The following PDE4D variants were observed in gnomAD, a reference collection of about 807,000 sequenced individuals.
PDE4D encodes the protein 3',5'-cyclic-AMP phosphodiesterase 4D.
Under a neutral mutation model 87.4 loss-of-function variants are expected in PDE4D, and 24 were observed. The observed-to-expected ratio is 0.27, with a 90% confidence interval of 0.20 to 0.39. PDE4D has a LOEUF of 0.39. Ranked by LOEUF, PDE4D falls within the 10% of genes least tolerant of loss-of-function variation. PDE4D has a pLI of 1.00. For synonymous variants in PDE4D, 384 were observed against 383.2 expected (o/e 1.00, Z -0.02); for missense variants, 714 against 1,041.0 (o/e 0.69, Z 4.32).
intron 1 of PDE4D, among the ~76,000 whole-genome samples, chr5:60,493,324 G>T (rs895892746): frequency 1.8e-4 from 27 of 152,262 alleles, no homozygotes; most frequent in African/African-American, 6.3e-4. Flanking sequence ...GAAAAAAGAG[G>T]GTTACCGATC....
At chr5:60,013,943 A>G (rs915455506) in intron 2 of PDE4D, among the ~76,000 whole-genome samples, 4 of 151,960 alleles carry the variant, frequency 2.6e-5, no homozygotes, top group African/African-American at 7.3e-5. Context: ...AAATACAAAA[A>G]TTAGCTGGGC....
At chr5:60,230,609 G>A (rs527729797) in intron 1 of PDE4D, among the ~76,000 whole-genome samples, 4 of 152,212 alleles carry the variant, frequency 2.6e-5, no homozygotes, top group African/African-American at 7.2e-5. Flanking sequence ...TTTAGGAAAG[G>A]AGAAGCTGGG....
chr5:59,400,516 A>T (rs1424273241), intron 1 of PDE4D, among the ~76,000 whole-genome samples: 1 of 138,794 alleles, frequency 7.2e-6, no homozygotes, highest in East Asian at 2.2e-4. Context: ...TCTCACTCAT[A>T]GGTGGGAATT....
At chr5:59,260,316 G>A (rs890574763) in intron 1 of PDE4D, among the ~76,000 whole-genome samples, 1 of 151,764 alleles carries the variant, frequency 6.6e-6, no homozygotes, top group Admixed American at 6.6e-5. Flanking sequence ...AATTTACAGG[G>A]TATGTCACAC....
rs78167321 is a variant in PDE4D, at chr5:60,124,775, T to C, written c.42+60782A>G. On this transcript the variant is annotated intron_variant, in intron 2 of 16. Coordinates refer to the PDE4D transcript ENST00000502484. Reference sequence around the variant, plus strand: ...ATATTCAGTTCTTGCCCTCCCACCATTTCTTCTTGAATGTACTCCTATGTT... The same window carrying C: ...ATATTCAGTTCTTGCCCTCCCACCACTTCTTCTTGAATGTACTCCTATGTT... Among the ~76,000 whole-genome samples the C allele has an allele frequency of 5.8e-3, 880 of 152,248 alleles. 6 individuals are homozygous for C. Among genetic ancestry groups the C allele is most frequent in the African/African-American group, 0.02 (850 of 41,546 alleles).
chr5:59,144,897 G>GCC (rs1554080208), intron 5 of PDE4D, among the ~76,000 whole-genome samples: 1 of 135,710 alleles, frequency 7.4e-6, no homozygotes, highest in Non-Finnish European at 1.6e-5. Flanking sequence ...TAATGGGGGG[G>GCC]GGGGGGGGAA....
At chr5:60,431,807 C>T (rs913229812) in intron 1 of PDE4D, among the ~76,000 whole-genome samples, 32 of 152,244 alleles carry the variant, frequency 2.1e-4, no homozygotes, top group African/African-American at 7.5e-4. Context: ...GAACCAGACT[C>T]CATCTGCAAT....
chr5:59,466,947 T>C (rs376036164), intron 1 of PDE4D, among the ~76,000 whole-genome samples: 1 of 152,142 alleles, frequency 6.6e-6, no homozygotes. Flanking sequence ...CCTCAGAATA[T>C]GACTATATTT....
intron 5 of PDE4D, among the ~76,000 whole-genome samples, chr5:59,043,579 A>G (rs1760067553): frequency 6.6e-6 from 1 of 152,106 alleles, no homozygotes; most frequent in Admixed American, 6.5e-5. Context: ...ATTACACTTT[A>G]AGTTCTAGGG....
intron 1 of PDE4D, among the ~76,000 whole-genome samples, chr5:60,500,794 G>C (rs1399774939): frequency 6.6e-6 from 1 of 152,252 alleles, no homozygotes; most frequent in African/African-American, 2.4e-5. Flanking sequence ...GAGACTTAAA[G>C]ATAATATGTG....
At chr5:59,195,606 A>C (rs991122979) in intron 2 of PDE4D, among the ~76,000 whole-genome samples, 20 of 152,222 alleles carry the variant, frequency 1.3e-4, no homozygotes, top group African/African-American at 4.6e-4. Flanking sequence ...TTTGGGTTGG[A>C]ATTTCAGCTC....
At chr5:59,978,171 T>G (rs575889774) in intron 3 of PDE4D, among the ~76,000 whole-genome samples, 1 of 152,202 alleles carries the variant, frequency 6.6e-6, no homozygotes, top group Non-Finnish European at 1.5e-5. Context: ...TTTTAAGCCT[T>G]ATTATTTAAG....
chr5:59,732,679 T>A (rs1757540646), intron 1 of PDE4D, among the ~76,000 whole-genome samples: 1 of 152,132 alleles, frequency 6.6e-6, no homozygotes, highest in Admixed American at 6.6e-5. Context: ...CTTTCAGATT[T>A]AGGCAAGACA....
At chr5:59,435,523 A>G (rs1328791301) in intron 1 of PDE4D, among the ~76,000 whole-genome samples, 2 of 152,100 alleles carry the variant, frequency 1.3e-5, no homozygotes, top group African/African-American at 4.8e-5. Flanking sequence ...AATCTCTTCC[A>G]AAAAACATTC....
At chr5:60,428,701 C>T (rs1275374031) in intron 1 of PDE4D, among the ~76,000 whole-genome samples, 1 of 152,160 alleles carries the variant, frequency 6.6e-6, no homozygotes, top group Admixed American at 6.5e-5. Context: ...ATGTAGGTAT[C>T]CTTGGCCCCA....
chr5:59,660,190 A>AAAATAAATAAATAAATAAAT, intron 1 of PDE4D, among the ~76,000 whole-genome samples: 1 of 151,736 alleles, frequency 6.6e-6, no homozygotes, highest in African/African-American at 2.4e-5. Flanking sequence ...CTCTGTCGCC[A>AAAATAAATAAATAAATAAAT]AAATAAATAA....
intron 2 of PDE4D, among the ~76,000 whole-genome samples, chr5:60,151,586 A>C (rs904564088): frequency 1.2e-4 from 18 of 152,178 alleles, no homozygotes; most frequent in Admixed American, 1.1e-3. Context: ...AAGTGAGTTT[A>C]ACATGTTGAT....
At chr5:59,200,230 CAT>C (rs1221419829) in intron 2 of PDE4D, among the ~76,000 whole-genome samples, 5 of 142,144 alleles carry the variant, frequency 3.5e-5, no homozygotes, top group South Asian at 2.2e-4. Context: ...TGTATACATA[CAT>C]ATGTGTATGT....
intron 2 of PDE4D, among the ~76,000 whole-genome samples, chr5:60,136,882 G>T (rs1410108022): frequency 1.3e-5 from 2 of 152,088 alleles, no homozygotes; most frequent in South Asian, 2.1e-4. Context: ...TGCCATGGTG[G>T]TTTGCTGCAT....
Sources: gnomAD v4.1 joint callset for allele counts (sites outside exome capture counted in the v4.1 genomes callset) on GRCh38, gnomAD v4.1.1 for gene constraint, MANE v1.5 for transcripts, NCBI Gene and HGNC (gene_info 2026-07-23, HGNC 2026-07-21) for gene names.